KLHL1: variants seen among roughly 807,000 people sequenced by gnomAD.
The protein encoded by KLHL1 is kelch like family member 1.
Under a neutral mutation model 77.7 loss-of-function variants are expected in KLHL1, and 47 were observed. The ratio of observed to expected loss-of-function variants is 0.60; its 90% CI spans 0.48 to 0.77. The LOEUF (loss-of-function observed/expected upper bound fraction) is 0.77, where lower values mean the gene tolerates loss of function less well. Ranked by LOEUF, KLHL1 falls within the 30% of genes least tolerant of loss-of-function variation. The pLI is 0.00. For synonymous variants in KLHL1, 360 were observed against 325.2 expected (o/e 1.11, Z -1.15); for missense variants, 925 against 910.8 (o/e 1.02, Z -0.20).
At chr13:69,752,268 AG>A (rs1874520013) in intron 7 of KLHL1, among the ~76,000 whole-genome samples, 1 of 152,150 alleles carries the variant, frequency 6.6e-6, no homozygotes, top group Non-Finnish European at 1.5e-5. Flanking sequence ...TGAAGGAATC[AG>A]TTAAAGATTT....
intron 2 of KLHL1, among the ~76,000 whole-genome samples, chr13:69,974,947 ACCTGCAGTAGTTATGC>A (rs1884499800): frequency 6.6e-6 from 1 of 152,054 alleles, no homozygotes; most frequent in African/African-American, 2.4e-5. Flanking sequence ...ACTCTAAATC[ACCTGCAGTAGTTATGC>A]AATGTCAAAT....
intron 3 of KLHL1, among the ~76,000 whole-genome samples, chr13:69,953,158 T>C (rs1566439785): frequency 6.6e-6 from 1 of 151,270 alleles, no homozygotes; most frequent in Non-Finnish European, 1.5e-5. Context: ...AAAATAAAAT[T>C]AGACTTAAAA....
In KLHL1 at chr13:69,812,047, T is replaced by C. The variant is rs199595229; in HGVS notation, c.1415-15085A>G. On this transcript the variant is annotated intron_variant, in intron 6 of 10. Transcript: ENST00000377844. ...TTTCTCTTGTGGGCGTTTAGTGCTA[T>C]AAATTTCCCTCTACACACTGCTTTA... is the stretch of plus-strand genomic sequence containing the variant. Among the ~76,000 whole-genome samples, 3 of 152,288 alleles carry C rather than the reference T, an allele frequency of 2.0e-5. No individual in the cohort carries two copies. The East Asian group carries it at 5.8e-4, about 29-fold the overall frequency.
rs369923217 is a variant in KLHL1, at chr13:69,961,460, G to T, written c.681-16C>A. The T allele has an allele frequency of 1.6e-5, 26 of 1,611,986 alleles. No homozygotes were observed. The highest frequency in any genetic ancestry group is 2.0e-5 in the Non-Finnish European group (24 of 1,178,854). On this transcript the variant is annotated splice_polypyrimidine_tract_variant and intron_variant, in intron 2 of 10. Coordinates refer to ENST00000377844, the MANE Select transcript of KLHL1 (RefSeq NM_020866.3). ...CAGAACAAGCCTGAAAGAGTCACAG[G>T]TTCTAATTTAGGTCGTGAATGTAAG...
chr13:69,816,959 G>T (rs1024233688), intron 6 of KLHL1, among the ~76,000 whole-genome samples: 14 of 151,428 alleles, frequency 9.2e-5, no homozygotes, highest in African/African-American at 3.4e-4. Context: ...CTCCATCTCA[G>T]AATAGTAAAA....
chr13:69,735,458 C>A (rs1873725359), intron 8 of KLHL1, among the ~76,000 whole-genome samples: 1 of 149,964 alleles, frequency 6.7e-6, no homozygotes, highest in South Asian at 2.1e-4. Context: ...TCTAGAAAAT[C>A]TATTATAAAT....
intron 1 of KLHL1, among the ~76,000 whole-genome samples, chr13:70,072,739 G>T (rs1450381063): frequency 3.3e-5 from 5 of 151,980 alleles, no homozygotes; most frequent in African/African-American, 4.8e-5. Context: ...GACAAAATCT[G>T]TCATCTATTT....
intron 1 of KLHL1, among the ~76,000 whole-genome samples, chr13:70,101,962 A>AAG (rs2137455554): frequency 6.6e-6 from 1 of 152,124 alleles, no homozygotes; most frequent in South Asian, 2.1e-4. Context: ...AAAAAAAAAA[A>AAG]ACAAAGTAAA....
chr13:69,886,334 A>T (rs991561661), intron 4 of KLHL1, among the ~76,000 whole-genome samples: 2 of 151,484 alleles, frequency 1.3e-5, no homozygotes, highest in Non-Finnish European at 2.9e-5. Flanking sequence ...TAGCTAAAAC[A>T]ATGTAGTTTT....
At chr13:69,749,577 C>T (rs1293260825) in intron 7 of KLHL1, among the ~76,000 whole-genome samples, 1 of 151,888 alleles carries the variant, frequency 6.6e-6, no homozygotes, top group Non-Finnish European at 1.5e-5. Context: ...AACAAACTAT[C>T]GTTAATTTTC....
intron 1 of KLHL1, among the ~76,000 whole-genome samples, chr13:69,984,761 G>C (rs1191951718): frequency 6.6e-6 from 1 of 152,072 alleles, no homozygotes; most frequent in Non-Finnish European, 1.5e-5. Flanking sequence ...CATGAGGCAA[G>C]GGACCTCGAG....
chr13:70,077,667 G>A (rs1028644056), intron 1 of KLHL1, among the ~76,000 whole-genome samples: 5 of 151,892 alleles, frequency 3.3e-5, no homozygotes, highest in African/African-American at 9.7e-5. Flanking sequence ...TAATAATAGG[G>A]GAAATTGGAG....
chr13:69,722,085 T>C (rs376568793), intron 8 of KLHL1, among the ~76,000 whole-genome samples: 79 of 152,212 alleles, frequency 5.2e-4, no homozygotes, highest in African/African-American at 1.8e-3. Context: ...ACTTTACTTA[T>C]GGGCATCTTT....
At chr13:69,742,167 A>G (rs1874015691) in intron 7 of KLHL1, among the ~76,000 whole-genome samples, 2 of 152,220 alleles carry the variant, frequency 1.3e-5, no homozygotes, top group Non-Finnish European at 2.9e-5. Flanking sequence ...AAACCTGTAC[A>G]TGCAGTAGAT....
At chr13:69,737,552 G>C (rs1364121065) in intron 8 of KLHL1, among the ~76,000 whole-genome samples, 1 of 152,200 alleles carries the variant, frequency 6.6e-6, no homozygotes, top group African/African-American at 2.4e-5. Context: ...CTCTGCTGCT[G>C]GTGCCAGCAA....
At chr13:69,945,310 AATTT>A (rs972081771) in intron 3 of KLHL1, among the ~76,000 whole-genome samples, 2 of 151,910 alleles carry the variant, frequency 1.3e-5, no homozygotes, top group African/African-American at 2.4e-5. Context: ...GTTAATTAAA[AATTT>A]ATTTGATAAA....
intron 5 of KLHL1, among the ~76,000 whole-genome samples, chr13:69,879,033 T>C (rs1033614617): frequency 6.6e-6 from 1 of 152,078 alleles, no homozygotes; most frequent in Non-Finnish European, 1.5e-5. Flanking sequence ...TTCTCATTCA[T>C]AGGTGGGAAT....
chr13:69,916,865 C>G (rs1370124257), intron 4 of KLHL1, among the ~76,000 whole-genome samples: 1 of 150,944 alleles, frequency 6.6e-6, no homozygotes, highest in Non-Finnish European at 1.5e-5. Flanking sequence ...TATTAAAAAA[C>G]AAAGAATCTT....
At chr13:69,952,404 C>T (rs1264069132) in intron 3 of KLHL1, among the ~76,000 whole-genome samples, 4 of 151,248 alleles carry the variant, frequency 2.6e-5, no homozygotes, top group African/African-American at 9.7e-5. Context: ...TTTAGAATTT[C>T]TTTATTAACT....
Sources: gnomAD v4.1 joint callset for allele counts (sites outside exome capture counted in the v4.1 genomes callset) on GRCh38, gnomAD v4.1.1 for gene constraint, MANE v1.5 for transcripts, NCBI Gene and HGNC (gene_info 2026-07-23, HGNC 2026-07-21) for gene names.